Variants in TF observed in about 807,000 individuals in gnomAD.
TF encodes transferrin.
TF carries 55 observed loss-of-function variants against 82.4 expected under a neutral mutation model. The ratio of observed to expected loss-of-function variants is 0.67; its 90% confidence interval spans 0.54 to 0.84. TF has a LOEUF of 0.84. Ranked by LOEUF, TF falls within the 40% of genes least tolerant of loss-of-function variation. The probability of loss-of-function intolerance (pLI) is 0.00; values close to 1 mark genes in which losing one functional copy is unlikely to be tolerated. For synonymous variants in TF, 332 were observed against 332.6 expected (o/e 1.00, Z 0.02); for missense variants, 737 against 868.4 (o/e 0.85, Z 1.90).
At chr3:133,709,622 C>A in the TF span, 1 of 171,136 alleles carries the variant, frequency 5.8e-6, no homozygotes, top group African/African-American at 2.4e-5. Flanking sequence ...CAAGCTGGAA[C>A]ATCCCCATGG....
At chr3:133,695,245 C>CTTTT in the TF span, among the ~76,000 whole-genome samples, 15 of 100,314 alleles carry the variant, frequency 1.5e-4, no homozygotes, top group Non-Finnish European at 1.8e-4. Context: ...GGAGCTGGTT[C>CTTTT]TTTTTTTTTT....
chr3:133,721,690 C>A, the TF span, among the ~76,000 whole-genome samples: 102 of 152,070 alleles, frequency 6.7e-4, no homozygotes, highest in African/African-American at 2.4e-3. Flanking sequence ...GTGTTGAAGT[C>A]CTCTATTATC....
At chr3:133,754,460 G>C (rs754386772) in intron 3 of TF, 35 bp from the exon 4 acceptor site, 5 of 1,611,108 alleles carry the variant, frequency 3.1e-6, no homozygotes, top group Non-Finnish European at 4.2e-6. Flanking sequence ...CCTGCACCAG[G>C]CTGAGGGCCT....
At chr3:133,673,967 G>A in the TF span, among the ~76,000 whole-genome samples, 11 of 152,176 alleles carry the variant, frequency 7.2e-5, no homozygotes, top group Admixed American at 6.5e-4. Flanking sequence ...CCTGACCTTG[G>A]CCTCCCGGAG....
At chr3:133,701,420 C>G in the TF span, among the ~76,000 whole-genome samples, 1 of 152,320 alleles carries the variant, frequency 6.6e-6, no homozygotes, top group South Asian at 2.1e-4. Flanking sequence ...TACTGGATCT[C>G]TATGGTTTAT....
At chr3:133,667,711 T>C in the TF span, among the ~76,000 whole-genome samples, 1 of 152,192 alleles carries the variant, frequency 6.6e-6, no homozygotes, top group South Asian at 2.1e-4. Context: ...AAGGCTTGAA[T>C]TGCAACTTAT....
At chr3:133,734,573 G>GA in the TF span, among the ~76,000 whole-genome samples, 4 of 152,192 alleles carry the variant, frequency 2.6e-5, no homozygotes, top group African/African-American at 9.6e-5. Flanking sequence ...ACAAGTCATA[G>GA]AAAAAACTAA....
chr3:133,749,661 G>T (rs1164272807), intron 2 of TF, among the ~76,000 whole-genome samples: 1 of 152,196 alleles, frequency 6.6e-6, no homozygotes, highest in Non-Finnish European at 1.5e-5. Flanking sequence ...GCAAACAAGA[G>T]CATATGCAAA....
At position 133,754,686 on chromosome 3, in the gene TF, G is replaced by T; in HGVS notation, c.502+15G>T. ...TCTTGAGAAAGGTAAGCTGGCAGGA[G>T]TCTGGGTGCCCTCGAGCAGCTGCCT... On this transcript the variant is annotated intron_variant, in intron 4 of 16. Transcript: ENST00000402696. 1 of 1,614,050 alleles carries T rather than the reference G, an allele frequency of 6.2e-7. No homozygotes were observed. The highest frequency in any genetic ancestry group is 8.5e-7 in the Non-Finnish European group (1 of 1,180,016).
At chr3:133,684,131 A>G in the TF span, among the ~76,000 whole-genome samples, 2 of 152,234 alleles carry the variant, frequency 1.3e-5, no homozygotes, top group Non-Finnish European at 2.9e-5. Flanking sequence ...GAAGGCAGAA[A>G]TAAAGATGTT....
At chr3:133,736,890 G>C in the TF span, among the ~76,000 whole-genome samples, 1 of 152,030 alleles carries the variant, frequency 6.6e-6, no homozygotes, top group Admixed American at 6.6e-5. Flanking sequence ...ACACCCCACT[G>C]TCAATATAAG....
rs1190426716 is a variant in TF at position 133,784,619 on chromosome 3, G to A, written c.*5999G>A. 6.6e-6 allele frequency: 1 copy of A among 152,098 alleles called. No homozygotes were observed. The highest frequency in any genetic ancestry group is 1.5e-5 in the Non-Finnish European group (1 of 68,044). The allele number at this position is 152,098 out of a possible 1,614,324, so 9.4% of individuals were successfully genotyped here. On this transcript the variant is annotated 3_prime_UTR_variant, in exon 17 of 17. Transcript: ENST00000402696. Reference sequence around the variant, plus strand: ...GTTTATTAAGTGAGTTAGAGCAGGAGTCCCCAACCCCTGGATCTAGGTTGC... The same window carrying A: ...GTTTATTAAGTGAGTTAGAGCAGGAATCCCCAACCCCTGGATCTAGGTTGC...
At chr3:133,706,825 G>A in the TF span, among the ~76,000 whole-genome samples, 10 of 152,228 alleles carry the variant, frequency 6.6e-5, no homozygotes, top group African/African-American at 2.4e-4. Context: ...GCAAAGTTGA[G>A]GCATCATTTC....
At chr3:133,709,473 T>A in the TF span, 2 of 152,758 alleles carry the variant, frequency 1.3e-5, no homozygotes, top group Admixed American at 1.3e-4. Flanking sequence ...CTTCTCTCCC[T>A]GAAAAAGAAG....
chr3:133,751,942 C>T (rs941766234), intron 2 of TF, among the ~76,000 whole-genome samples: 8 of 151,886 alleles, frequency 5.3e-5, no homozygotes, highest in Non-Finnish European at 1.0e-4. Flanking sequence ...TACAGTGAGC[C>T]GAGATTGAGC....
intron 10 of TF, 103 bp downstream of exon 10, chr3:133,764,378 T>C: frequency 1.0e-6 from 1 of 995,044 alleles, no homozygotes; most frequent in Non-Finnish European, 1.6e-6. Context: ...GCCATAAAGC[T>C]TTCCCTCTCT....
At chr3:133,686,300 T>G in the TF span, among the ~76,000 whole-genome samples, 1 of 152,220 alleles carries the variant, frequency 6.6e-6, no homozygotes, top group Non-Finnish European at 1.5e-5. Flanking sequence ...AAGGACTTCA[T>G]GTCTAAAACA....
At chr3:133,677,440 C>T in the TF span, among the ~76,000 whole-genome samples, 25 of 152,220 alleles carry the variant, frequency 1.6e-4, no homozygotes, top group African/African-American at 6.0e-4. Flanking sequence ...AGTTCAAGAC[C>T]AGCCTGGCCA....
At chr3:133,672,389 A>G in the TF span, among the ~76,000 whole-genome samples, 2 of 152,000 alleles carry the variant, frequency 1.3e-5, no homozygotes, top group African/African-American at 4.8e-5. Flanking sequence ...TTGCAACCAA[A>G]CTTTTAGTGA....
Sources: gnomAD v4.1 joint callset for allele counts (sites outside exome capture counted in the v4.1 genomes callset) on GRCh38, gnomAD v4.1.1 for gene constraint, MANE v1.5 for transcripts, NCBI Gene and HGNC (gene_info 2026-07-23, HGNC 2026-07-21) for gene names.